HK1: variants seen among roughly 807,000 people sequenced by gnomAD.
HK1 encodes the protein hexokinase 1.
A neutral mutation model predicts 91.6 loss-of-function variants in HK1; 28 were observed. The observed-to-expected ratio is 0.31, with a 90% confidence interval of 0.23 to 0.42. The LOEUF is 0.42. Among genes scored for constraint, HK1 ranks in the 10% least tolerant of loss-of-function variants. The pLI, the probability that HK1 is intolerant of heterozygous loss-of-function variation, is 1.00. For missense variants in HK1, 770 were observed against 1,219.8 expected (o/e 0.63, Z 5.49); for synonymous variants, 430 against 468.1 (o/e 0.92, Z 1.05).
intron 5 of HK1, among the ~76,000 whole-genome samples, chr10:69,301,501 G>A (rs1845863759): frequency 6.7e-6 from 1 of 148,790 alleles, no homozygotes. Flanking sequence ...TTGAACCTGG[G>A]AGGTGGAGGT....
At chr10:69,338,338 C>T (rs1848104744) in intron 1 of HK1, 1 of 1,185,984 alleles carries the variant, frequency 8.4e-7, no homozygotes, top group Non-Finnish European at 1.1e-6. Flanking sequence ...AGCTCGGTGT[C>T]TGATGTCTGG....
chr10:69,347,460 C>T, intron 2 of HK1, among the ~76,000 whole-genome samples: 1 of 143,344 alleles, frequency 7.0e-6, no homozygotes. Context: ...TTTTTTAAGA[C>T]AGTCTCGCTC....
chr10:69,312,276 G>A (rs10823339), upstream of HK1, among the ~76,000 whole-genome samples: 82,828 of 152,052 alleles, frequency 0.54, 23,633 homozygotes, highest in Non-Finnish European at 0.65. Flanking sequence ...TCACTCTGTC[G>A]CCCAGGCTGG....
Position 69,398,837 on chromosome 10 carries a change from G to A in HK1, c.2609+9G>A. The A allele has an allele frequency of 1.3e-6, 2 of 1,596,268 alleles. No homozygotes were observed. Among genetic ancestry groups the A allele is most frequent in the Non-Finnish European group, 8.6e-7 (1 of 1,164,254 alleles). On this transcript the variant is annotated intron_variant, in intron 17 of 17. Coordinates refer to ENST00000359426, the MANE Select transcript of HK1 (RefSeq NM_000188.3). ...TACAAGCTTCATCCACAGTGAGTGG[G>A]CCTTCCAGTTGGGATGCGCAGAGCT...
At chr10:69,333,296 G>A (rs2132636989) in intron 1 of HK1, among the ~76,000 whole-genome samples, 1 of 152,320 alleles carries the variant, frequency 6.6e-6, no homozygotes, top group Middle Eastern at 3.4e-3. Flanking sequence ...AAACCTGTCT[G>A]CACTCAGATC....
At chr10:69,285,189 C>G (rs995304813) in intron 2 of HK1, among the ~76,000 whole-genome samples, 1 of 152,004 alleles carries the variant, frequency 6.6e-6, no homozygotes, top group African/African-American at 2.4e-5. Flanking sequence ...AATCCCAACA[C>G]TTTGGGAGGC....
Position 69,380,091 on chromosome 10 carries a change from C to T in HK1, c.1261C>T (p.Pro421Ser). 6.2e-7 allele frequency: 1 copy of T among 1,609,822 alleles called. No homozygotes were observed. The highest frequency in any genetic ancestry group is 8.5e-7 in the Non-Finnish European group (1 of 1,176,068). The change falls in exon 9 of 18, where the codon CCA becomes TCA. Residue 421 changes from proline (P) to serine (S), a missense_variant. Around this residue, in one of 7 missense-constraint regions of HK1, gnomAD observed 449 missense variants for 665.1 expected, o/e 0.68. Transcript: ENST00000359426. The surrounding 1 kb of genome is among the most constrained non-coding windows in gnomAD (Gnocchi z 4.0). ...CGACGGATCTCTTTACAAGACGCAC[C>T]CACAGTGAGTCTGCCCTTTGCTATC... ...GVDGSLYKTH[P>S]QYSRRFHKTL...
intron 1 of HK1, among the ~76,000 whole-genome samples, chr10:69,319,478 G>A (rs1021511187): frequency 5.3e-5 from 8 of 152,254 alleles, no homozygotes; most frequent in African/African-American, 1.9e-4. Flanking sequence ...CGGGTGCCCC[G>A]GAGAAGCTGT....
chr10:69,353,408 G>A (rs192467012), intron 2 of HK1, among the ~76,000 whole-genome samples: 7 of 152,162 alleles, frequency 4.6e-5, no homozygotes, highest in African/African-American at 1.2e-4. Flanking sequence ...GGGCAACATG[G>A]TAAAACCCTG....
chr10:69,312,785 A>G (rs75190212), upstream of HK1, among the ~76,000 whole-genome samples: 2 of 152,114 alleles, frequency 1.3e-5, no homozygotes, highest in African/African-American at 4.8e-5. Flanking sequence ...AAGGGAAAAA[A>G]TTGTTCCCCC....
At chr10:69,310,238 T>A (rs1454948750) in intron 5 of HK1, among the ~76,000 whole-genome samples, 1 of 150,554 alleles carries the variant, frequency 6.6e-6, no homozygotes, top group Non-Finnish European at 1.5e-5. Flanking sequence ...CTGGCCAACA[T>A]GGCAAAACTC....
At chr10:69,339,026 C>G (rs559566920) in intron 1 of HK1, among the ~76,000 whole-genome samples, 2 of 152,202 alleles carry the variant, frequency 1.3e-5, no homozygotes, top group Non-Finnish European at 2.9e-5. Flanking sequence ...TTCCCAGCCT[C>G]TTTCCCAGGG....
At chr10:69,299,089 G>A (rs11816714) in intron 4 of HK1, among the ~76,000 whole-genome samples, 3,252 of 151,504 alleles carry the variant, frequency 0.021, 197 homozygotes, top group African/African-American at 0.073. Flanking sequence ...ACAGGCGTGC[G>A]CCACCATGCC....
In HK1 at chr10:69,272,988, T is replaced by C. The variant is rs144935051; in HGVS notation, c.-391+2880T>C. Among the ~76,000 whole-genome samples, 696 of 151,834 alleles carry C rather than the reference T, an allele frequency of 4.6e-3. 6 individuals carry two copies. The highest frequency in any genetic ancestry group is 0.025 in the South Asian group (121 of 4,816). ...TCCAGTTTTTTTGCCATTTTTTTTT[T>C]CTCTGTGCTTCCGTTTGCATAATTC... On this transcript the variant is annotated intron_variant, in intron 1 of 21. Transcript: ENST00000360289.
chr10:69,322,676 A>C lies in HK1; in HGVS notation c.63+3666A>C, dbSNP rs1847107847. ...GAGGCTGAGGCGGGTGGATCACCTG[A>C]GGTCGGGAGTTCGAGACCAGCCTGA... On this transcript the variant is annotated intron_variant, in intron 1 of 17. Coordinates refer to ENST00000359426, the MANE Select transcript of HK1 (RefSeq NM_000188.3). Among the ~76,000 whole-genome samples the C allele has an allele frequency of 3.3e-5, 5 of 151,376 alleles. No homozygotes were observed. In the South Asian group the frequency reaches 1.0e-3, roughly 32 times the overall value.
chr10:69,271,171 G>T (rs1011117939), intron 1 of HK1: 2 of 152,112 alleles, frequency 1.3e-5, no homozygotes, highest in Non-Finnish European at 2.9e-5. Context: ...CAGGAACAAG[G>T]TGACGACTGT....
chr10:69,369,675 T>C lies in HK1; in HGVS notation c.875+51T>C. On this transcript the variant is annotated intron_variant, in intron 7 of 17. Coordinates refer to ENST00000359426, the MANE Select transcript of HK1 (RefSeq NM_000188.3). The surrounding 1 kb of genome is among the most constrained non-coding windows in gnomAD (Gnocchi z 4.4). ...CCACATATGTGAGTTAGGGGACATTTGATGAAAGATTTGGGATGGGAGATG... is the reference window on the plus strand; with the variant it reads ...CCACATATGTGAGTTAGGGGACATTCGATGAAAGATTTGGGATGGGAGATG... The C allele has an allele frequency of 6.6e-7, 1 of 1,524,178 alleles. No homozygotes were observed. Among genetic ancestry groups the C allele is most frequent in the East Asian group, 2.3e-5 (1 of 43,592 alleles). The allele number at this position is 1,524,178 out of a possible 1,614,324, so 94.4% of individuals were successfully genotyped here.
upstream of HK1, among the ~76,000 whole-genome samples, chr10:69,313,869 A>G (rs1846507736): frequency 6.6e-6 from 1 of 152,196 alleles, no homozygotes; most frequent in Admixed American, 6.5e-5. Flanking sequence ...GGTGGGCCAA[A>G]TAAAATGTTA....
chr10:69,318,342 C>A, upstream of HK1: 2 of 512,456 alleles, frequency 3.9e-6, no homozygotes, highest in Non-Finnish European at 5.0e-6. Flanking sequence ...CCCACTTCTG[C>A]AAGTCCCCTC....
Sources: gnomAD v4.1 joint callset for allele counts (sites outside exome capture counted in the v4.1 genomes callset) on GRCh38, gnomAD v4.1.1 for gene constraint, gnomAD v4.1.1 regional missense constraint, Gnocchi (gnomAD v3.1) non-coding constraint, MANE v1.5 for transcripts, NCBI Gene and HGNC (gene_info 2026-07-23, HGNC 2026-07-21) for gene names.